SGIP1: variants seen among roughly 807,000 people sequenced by gnomAD.
The protein encoded by SGIP1 is SH3-containing GRB2-like protein 3-interacting protein 1.
SGIP1 carries 38 observed loss-of-function variants against 107.5 expected under a neutral mutation model. That is an observed-to-expected ratio of 0.35 (90% CI 0.27 to 0.46). SGIP1 has a LOEUF of 0.46. Ranked by LOEUF, SGIP1 falls within the 20% of genes least tolerant of loss-of-function variation. SGIP1 has a pLI of 1.00. For synonymous variants in SGIP1, 365 were observed against 366.1 expected, an observed-to-expected ratio of 1.00 and a Z score of 0.03; for missense variants, 929 against 1,019.5, an observed-to-expected ratio of 0.91 and a Z score of 1.21.
intron 1 of SGIP1, among the ~76,000 whole-genome samples, chr1:66,601,663 C>A (rs765351567): frequency 6.6e-6 from 1 of 152,028 alleles, no homozygotes; most frequent in South Asian, 2.1e-4. Context: ...AAAACATGTT[C>A]CACTGGACCC....
At chr1:66,533,377 G>C, upstream of SGIP1, 1 of 152,434 alleles carries the variant, frequency 6.6e-6, no homozygotes, top group African/African-American at 2.4e-5. Flanking sequence ...GATCTCGAGC[G>C]TTGCCAGTTT....
chr1:66,684,182 A>G, intron 15 of SGIP1: 1 of 1,550,592 alleles, frequency 6.4e-7, no homozygotes, highest in Non-Finnish European at 8.7e-7. Context: ...CTGGATTCAT[A>G]CTCAGGTCTG....
chr1:66,628,605 A>G (rs72669450), intron 2 of SGIP1: 19,420 of 154,754 alleles, frequency 0.13, 1,701 homozygotes, highest in Non-Finnish European at 0.19. Flanking sequence ...TGACTGCACC[A>G]GAGATTTCTG....
chr1:66,589,167 T>C (rs2063157098), intron 1 of SGIP1, among the ~76,000 whole-genome samples: 1 of 2,406 alleles, frequency 4.2e-4, no homozygotes, highest in South Asian at 0.05. Context: ...AGTTTACATA[T>C]ATATATATAT....
In SGIP1 at chr1:66,681,925, T is replaced by C. The variant is rs772427174; in HGVS notation, c.871T>C (p.Leu291=). 6.2e-7 allele frequency: 1 copy of C among 1,614,186 alleles called. No homozygotes were observed. Among genetic ancestry groups the C allele is most frequent in the Non-Finnish European group, 8.5e-7 (1 of 1,180,032 alleles). ...KIEKLPSIND[L]DSIFGPVLSP... The stretch of plus-strand genomic sequence containing the variant: ...TGAAAAACTACCATCCATCAATGAC[T>C]TGGACAGCATTTTTGGGCCAGTATT... Residue 291 remains leucine, a synonymous_variant, in exon 15 of 25, where the codon TTG becomes CTG. Coordinates refer to ENST00000371037, the MANE Select transcript of SGIP1 (RefSeq NM_032291.4).
At chr1:66,615,509 G>T (rs2069054290) in intron 1 of SGIP1, among the ~76,000 whole-genome samples, 1 of 152,158 alleles carries the variant, frequency 6.6e-6, no homozygotes, top group Admixed American at 6.5e-5. Context: ...AGAATTTATA[G>T]ATTTTACCAA....
intron 1 of SGIP1, among the ~76,000 whole-genome samples, chr1:66,585,756 C>T (rs1259654151): frequency 6.6e-6 from 1 of 152,070 alleles, no homozygotes; most frequent in African/African-American, 2.4e-5. Flanking sequence ...TCCCAAAGTG[C>T]TGAGATTACA....
rs1290592205 is a variant in SGIP1, at chr1:66,636,491, T to C, written c.171+476T>C. ...ACCCTAGCCCAAACTCTGTAGTACC[T>C]ATAGCCGTGTTGTACATTATGGTAG... On this transcript the variant is annotated intron_variant, in intron 4 of 24. Transcript: ENST00000371037. 2.0e-5 allele frequency among the ~76,000 whole-genome samples: 3 copies of C among 152,198 alleles called. No individual in the cohort carries two copies. The East Asian group carries it at 5.8e-4, about 29-fold the overall frequency.
chr1:66,548,207 G>A (rs2056770006), intron 1 of SGIP1, among the ~76,000 whole-genome samples: 1 of 152,094 alleles, frequency 6.6e-6, no homozygotes, highest in Non-Finnish European at 1.5e-5. Context: ...GCTACAGATG[G>A]CATTCTAGCT....
chr1:66,649,178 T>A (rs977742958), intron 7 of SGIP1, among the ~76,000 whole-genome samples: 69 of 152,184 alleles, frequency 4.5e-4, no homozygotes, highest in Non-Finnish European at 2.9e-4. Context: ...AGCTTGGAAT[T>A]CTCTTGCCTG....
chr1:66,684,792 G>C (rs2087784548), intron 15 of SGIP1, among the ~76,000 whole-genome samples: 1 of 152,144 alleles, frequency 6.6e-6, no homozygotes, highest in African/African-American at 2.4e-5. Flanking sequence ...TTTTCTTTCT[G>C]GAATTTTTGA....
intron 19 of SGIP1, among the ~76,000 whole-genome samples, chr1:66,728,163 G>A (rs1372425488): frequency 6.6e-6 from 1 of 152,160 alleles, no homozygotes; most frequent in Non-Finnish European, 1.5e-5. Flanking sequence ...CTAGTTAAGT[G>A]CAAGGCAAAA....
Position 66,745,866 on chromosome 1 carries a change from T to C in SGIP1, c.*2771T>C, listed in dbSNP as rs570693415. Reference sequence around the variant, plus strand: ...TTAAAAATAAATTTGTATCAAGGATTAGTCTGAATTTTATCATAATAGAAA... The same window carrying C: ...TTAAAAATAAATTTGTATCAAGGATCAGTCTGAATTTTATCATAATAGAAA... On this transcript the variant is annotated 3_prime_UTR_variant, in exon 25 of 25. Coordinates refer to ENST00000371037, the MANE Select transcript of SGIP1 (RefSeq NM_032291.4). The C allele has an allele frequency of 3.3e-5, 5 of 152,258 alleles. No individual in the cohort carries two copies. In the East Asian group the frequency reaches 9.6e-4, roughly 29 times the overall value. 9.4% of individuals were successfully genotyped at this position (152,258 alleles called of 1,614,324 possible). A position where few individuals can be genotyped will look rare whatever the true frequency, so the allele number is the denominator to read the frequency against.
chr1:66,610,895 A>G (rs1366875123), intron 1 of SGIP1, among the ~76,000 whole-genome samples: 1 of 152,214 alleles, frequency 6.6e-6, no homozygotes, highest in East Asian at 1.9e-4. Context: ...GGAAAATCAA[A>G]CATTGTATGC....
intron 1 of SGIP1, among the ~76,000 whole-genome samples, chr1:66,579,424 A>G (rs369550541): frequency 2.6e-5 from 4 of 152,158 alleles, no homozygotes; most frequent in Non-Finnish European, 5.9e-5. Context: ...ATTTCATAGG[A>G]TAGAAAAAGA....
chr1:66,741,919 C>G (rs930510745), intron 24 of SGIP1, among the ~76,000 whole-genome samples: 1 of 152,064 alleles, frequency 6.6e-6, no homozygotes. Flanking sequence ...AGGCGCCCAC[C>G]ACCACGCATG....
Position 66,689,095 on chromosome 1 carries a change from A to G in SGIP1, c.1316-53A>G, listed in dbSNP as rs1056232985. ...GGGACTGGCATTATACTGTGATAAC[A>G]GCGCTTTGGCCCCCTGTGTTTCCAG... On this transcript the variant is annotated intron_variant, in intron 15 of 24. Transcript: ENST00000371037. The G allele has an allele frequency of 7.6e-6, 12 of 1,574,084 alleles. No homozygotes were observed. In the East Asian group the frequency reaches 2.7e-4, roughly 36 times the overall value.
intron 1 of SGIP1, among the ~76,000 whole-genome samples, chr1:66,563,741 A>C (rs2059277121): frequency 6.6e-6 from 1 of 151,976 alleles, no homozygotes; most frequent in African/African-American, 2.4e-5. Context: ...AGCAGTAAAT[A>C]ATTTCCCAGT....
intron 1 of SGIP1, among the ~76,000 whole-genome samples, chr1:66,609,049 T>TATCC (rs1553253355): frequency 2.0e-5 from 3 of 152,126 alleles, no homozygotes; most frequent in South Asian, 2.1e-4. Context: ...AGGTCACTTT[T>TATCC]GACACTTGAG....
Sources: allele counts gnomAD v4.1 joint callset (sites outside exome capture counted in the v4.1 genomes callset), GRCh38; gene constraint gnomAD v4.1.1; transcripts MANE v1.5; gene names NCBI Gene and HGNC (gene_info 2026-07-23, HGNC 2026-07-21).